Variants in HTR4 observed in about 807,000 individuals in gnomAD.
The protein encoded by HTR4 is 5-hydroxytryptamine receptor 4.
Under a neutral mutation model 36.8 loss-of-function variants are expected in HTR4, and 16 were observed. The observed-to-expected ratio is 0.43, with a 90% CI of 0.29 to 0.66. HTR4 has a LOEUF of 0.66. Among genes scored for constraint, HTR4 ranks in the 30% least tolerant of loss-of-function variants. HTR4 has a pLI of 0.13. For missense variants in HTR4, 438 were observed against 490.9 expected (o/e 0.89, Z 1.02); for synonymous variants, 189 against 185.1 (o/e 1.02, Z -0.17).
In HTR4 at chr5:148,596,819, T is replaced by C. The variant is rs528982682; in HGVS notation, c.26+40170A>G. On this transcript the variant is annotated intron_variant, in intron 2 of 6. Coordinates refer to ENST00000377888, the MANE Select transcript of HTR4 (RefSeq NM_000870.7). ...CATTCTGCATATATTTTACTGAACA[T>C]TGACTCTATGAAAAGCACTCTACCA... Among the ~76,000 whole-genome samples, 7 of 152,302 alleles carry C rather than the reference T, an allele frequency of 4.6e-5. No homozygotes were observed. In the South Asian group the frequency reaches 1.2e-3, roughly 27 times the overall value.
chr5:148,508,174 C>T (rs1309773926), intron 6 of HTR4, among the ~76,000 whole-genome samples: 1 of 152,062 alleles, frequency 6.6e-6, no homozygotes, highest in East Asian at 1.9e-4. Flanking sequence ...AAATATCCCC[C>T]AATTTTCAGC....
intron 2 of HTR4, chr5:148,630,027 C>T (rs1428917133): frequency 6.6e-6 from 1 of 152,040 alleles, no homozygotes; most frequent in Non-Finnish European, 1.5e-5. Flanking sequence ...AGAGCAACAG[C>T]AAATGGTTCC....
intron 6 of HTR4, among the ~76,000 whole-genome samples, chr5:148,506,878 G>C (rs1387409981): frequency 6.0e-5 from 9 of 150,622 alleles, no homozygotes; most frequent in South Asian, 2.1e-4. Flanking sequence ...GAAACAACAG[G>C]TGCTGGAGAG....
At chr5:148,540,435 T>A in intron 4 of HTR4, among the ~76,000 whole-genome samples, 1 of 136,618 alleles carries the variant, frequency 7.3e-6, no homozygotes, top group Non-Finnish European at 1.6e-5. Context: ...TATATATATA[T>A]ATATATATAT....
At chr5:148,592,062 G>A (rs1761594703) in intron 2 of HTR4, among the ~76,000 whole-genome samples, 1 of 152,162 alleles carries the variant, frequency 6.6e-6, no homozygotes, top group Non-Finnish European at 1.5e-5. Flanking sequence ...CCACGTAAAA[G>A]AATGAGATCG....
chr5:148,493,694 G>C (rs1034766862), intron 6 of HTR4, among the ~76,000 whole-genome samples: 6 of 151,994 alleles, frequency 3.9e-5, no homozygotes, highest in South Asian at 2.1e-4. Flanking sequence ...AAAAAGAAAG[G>C]CTTTAAATTT....
chr5:148,633,011 CA>C (rs201554392), intron 2 of HTR4, among the ~76,000 whole-genome samples: 1 of 150,852 alleles, frequency 6.6e-6, no homozygotes, highest in Non-Finnish European at 1.5e-5. Context: ...TTCAACCCTT[CA>C]AAAAAAAATG....
downstream of HTR4, among the ~76,000 whole-genome samples, chr5:148,478,440 A>ACAGTGTG (rs1308280537): frequency 6.6e-6 from 1 of 152,184 alleles, no homozygotes; most frequent in Non-Finnish European, 1.5e-5. Flanking sequence ...GTTTCAGGAG[A>ACAGTGTG]CAGTGTGCTT....
chr5:148,536,712 A>C (rs941454513), intron 4 of HTR4, among the ~76,000 whole-genome samples: 12 of 152,230 alleles, frequency 7.9e-5, no homozygotes, highest in African/African-American at 2.9e-4. Flanking sequence ...ATATGCACTC[A>C]ACACAGAAGC....
chr5:148,478,349 T>C (rs1006820754), downstream of HTR4, among the ~76,000 whole-genome samples: 14 of 151,972 alleles, frequency 9.2e-5, no homozygotes, highest in Non-Finnish European at 1.9e-4. Flanking sequence ...AGTTTGGAGG[T>C]GGATTCTGCA....
chr5:148,607,956 T>C (rs950835970), intron 2 of HTR4, among the ~76,000 whole-genome samples: 38 of 152,116 alleles, frequency 2.5e-4, no homozygotes, highest in African/African-American at 9.2e-4. Context: ...CATTGATCCC[T>C]AGAGAATCCC....
At chr5:148,637,641 C>G (rs958244350) in intron 1 of HTR4, among the ~76,000 whole-genome samples, 5 of 152,142 alleles carry the variant, frequency 3.3e-5, no homozygotes. Context: ...CCAGGAACCC[C>G]AGGCTAAGAA....
intron 1 of HTR4, among the ~76,000 whole-genome samples, chr5:148,637,728 T>A (rs928254537): frequency 6.6e-6 from 1 of 152,194 alleles, no homozygotes; most frequent in Non-Finnish European, 1.5e-5. Context: ...TCACACTCTT[T>A]AATGGATGGG....
chr5:148,534,471 T>C (rs1758716724), intron 4 of HTR4, among the ~76,000 whole-genome samples: 1 of 152,104 alleles, frequency 6.6e-6, no homozygotes, highest in Admixed American at 6.5e-5. Flanking sequence ...CCTCCAGCCA[T>C]CCCCTGCCAG....
downstream of HTR4, among the ~76,000 whole-genome samples, chr5:148,474,806 G>A (rs1031334850): frequency 1.3e-5 from 2 of 152,142 alleles, no homozygotes; most frequent in African/African-American, 4.8e-5. Context: ...GGTTAGAAAC[G>A]TAGTCTCGGC....
intron 2 of HTR4, among the ~76,000 whole-genome samples, chr5:148,607,533 C>T (rs1399702590): frequency 6.6e-6 from 1 of 152,126 alleles, no homozygotes; most frequent in Non-Finnish European, 1.5e-5. Flanking sequence ...CCTAAGAAGG[C>T]CCCAACTCAA....
intron 6 of HTR4, among the ~76,000 whole-genome samples, chr5:148,487,612 T>C (rs1246362733): frequency 6.6e-6 from 1 of 152,198 alleles, no homozygotes; most frequent in East Asian, 1.9e-4. Flanking sequence ...AAAAAACTGC[T>C]CTCAGCTGAT....
intron 1 of HTR4, chr5:148,646,146 C>T (rs1163564237): frequency 6.6e-6 from 1 of 152,170 alleles, no homozygotes; most frequent in African/African-American, 2.4e-5. Flanking sequence ...CATAAATGCC[C>T]CAGTGATTCT....
intron 5 of HTR4, among the ~76,000 whole-genome samples, chr5:148,511,647 G>GTGTGTGTGTA (rs1561588071): frequency 6.6e-6 from 1 of 151,754 alleles, no homozygotes; most frequent in African/African-American, 2.4e-5. Flanking sequence ...GTGTGTGTGT[G>GTGTGTGTGTA]TGTGTGTGTG....
Sources: allele counts gnomAD v4.1 joint callset (sites outside exome capture counted in the v4.1 genomes callset), GRCh38; gene constraint gnomAD v4.1.1; transcripts MANE v1.5; gene names NCBI Gene and HGNC (gene_info 2026-07-23, HGNC 2026-07-21).